NTN4: variants seen among roughly 807,000 people sequenced by gnomAD.
NTN4 encodes netrin 4, also known as netrin-4.
In NTN4, 32 loss-of-function variants were observed where a neutral mutation model predicts 73.6. That is an observed-to-expected ratio of 0.44 (90% CI 0.33 to 0.58). NTN4 has a LOEUF of 0.58. Ranked by LOEUF, NTN4 falls within the 20% of genes least tolerant of loss-of-function variation. The pLI, the probability that NTN4 is intolerant of heterozygous loss-of-function variation, is 0.04. For synonymous variants in NTN4, 258 were observed against 287.5 expected (o/e 0.90, Z 1.04); for missense variants, 654 against 798.3 (o/e 0.82, Z 2.18).
intron 5 of NTN4, among the ~76,000 whole-genome samples, chr12:95,708,549 G>A (rs923355342): frequency 1.1e-4 from 17 of 151,804 alleles, no homozygotes; most frequent in Admixed American, 7.9e-4. Flanking sequence ...GAGCCACTGC[G>A]CCCAGCCTCT....
intron 3 of NTN4, among the ~76,000 whole-genome samples, chr12:95,729,632 AGTGTGTGTGTGTGTGTGTGT>A (rs758891542): frequency 8.1e-6 from 1 of 124,088 alleles, no homozygotes; most frequent in African/African-American, 2.9e-5. Context: ...AGAGAGAGAG[AGTGTGTGTGTGTGTGTGTGT>A]GTGTGTGTGT....
chr12:95,772,585 C>T (rs1592715756), intron 2 of NTN4, among the ~76,000 whole-genome samples: 1 of 152,290 alleles, frequency 6.6e-6, no homozygotes, highest in African/African-American at 2.4e-5. Context: ...TCATACTTAA[C>T]GTGTCTGAAA....
chr12:95,728,533 G>A (rs11108220), intron 3 of NTN4, among the ~76,000 whole-genome samples: 54,029 of 152,034 alleles, frequency 0.36, 11,316 homozygotes, highest in Non-Finnish European at 0.47. Flanking sequence ...TAAGTTATAA[G>A]TTTGAACTAA....
At chr12:95,763,950 G>T (rs145497755) in intron 2 of NTN4, among the ~76,000 whole-genome samples, 7 of 152,310 alleles carry the variant, frequency 4.6e-5, no homozygotes, top group Non-Finnish European at 8.8e-5. Context: ...CAAGACTGAA[G>T]TTCCAATGTC....
chr12:95,677,879 C>T (rs1592658679), intron 7 of NTN4, among the ~76,000 whole-genome samples: 1 of 152,154 alleles, frequency 6.6e-6, no homozygotes, highest in African/African-American at 2.4e-5. Context: ...ATAAAGACAC[C>T]TGCACACGTA....
chr12:95,750,851 C>G (rs1224352133), intron 2 of NTN4, among the ~76,000 whole-genome samples: 4 of 152,228 alleles, frequency 2.6e-5, no homozygotes, highest in Non-Finnish European at 5.9e-5. Flanking sequence ...ACCTCCCCTC[C>G]TCACACCTGG....
chr12:95,680,598 T>A (rs1157956489), intron 7 of NTN4, among the ~76,000 whole-genome samples: 1 of 152,226 alleles, frequency 6.6e-6, no homozygotes, highest in East Asian at 1.9e-4. Context: ...ATATCCTAAA[T>A]GGCAAACAAA....
chr12:95,726,122 G>A (rs1051862339), intron 3 of NTN4, among the ~76,000 whole-genome samples: 11 of 151,412 alleles, frequency 7.3e-5, no homozygotes, highest in African/African-American at 1.2e-4. Flanking sequence ...TAACATTCAC[G>A]TAACATAAAA....
At chr12:95,667,342 GC>G (rs1208640613) in intron 8 of NTN4, among the ~76,000 whole-genome samples, 2 of 151,488 alleles carry the variant, frequency 1.3e-5, no homozygotes, top group Non-Finnish European at 2.9e-5. Context: ...AGGCCACCAC[GC>G]CCGGCTAATT....
intron 2 of NTN4, among the ~76,000 whole-genome samples, chr12:95,772,226 G>A (rs900564729): frequency 2.4e-4 from 36 of 152,030 alleles, no homozygotes; most frequent in African/African-American, 8.7e-4. Context: ...TTTTTGTAGA[G>A]ACAGGGTTTC....
chr12:95,669,260 G>A (rs1467543815), intron 8 of NTN4, among the ~76,000 whole-genome samples: 1 of 151,380 alleles, frequency 6.6e-6, no homozygotes, highest in Non-Finnish European at 1.5e-5. Flanking sequence ...GGCAAGATAT[G>A]ATATCTTAAT....
Position 95,658,449 on chromosome 12 carries a change from A to G in NTN4, c.*637T>C, listed in dbSNP as rs2078108888. On this transcript the variant is annotated 3_prime_UTR_variant, in exon 10 of 10. Coordinates refer to ENST00000343702, the MANE Select transcript of NTN4 (RefSeq NM_021229.4). ...AGTTAAATAGCACAACTTCTTTTAT[A>G]TGGTCACTTTTGTCCACATGTAGTG... is the stretch of plus-strand genomic sequence containing the variant. 6.6e-6 allele frequency: 1 copy of G among 152,644 alleles called. No homozygotes were observed. Among genetic ancestry groups the G allele is most frequent in the African/African-American group, 2.4e-5 (1 of 41,462 alleles). The allele number at this position is 152,644 out of a possible 1,614,324, so 9.5% of individuals were successfully genotyped here. A position where few individuals can be genotyped will look rare whatever the true frequency, so the allele number is the denominator to read the frequency against.
At chr12:95,725,912 C>T (rs917941291) in intron 3 of NTN4, among the ~76,000 whole-genome samples, 1 of 152,194 alleles carries the variant, frequency 6.6e-6, no homozygotes, top group African/African-American at 2.4e-5. Context: ...CCAGAAACAA[C>T]AGCCACAGCT....
chr12:95,702,845 T>TG (rs1042479530), intron 5 of NTN4, among the ~76,000 whole-genome samples: 2 of 143,156 alleles, frequency 1.4e-5, no homozygotes, highest in Non-Finnish European at 3.1e-5. Context: ...TTCAATGGTT[T>TG]TTTTTTTTTT....
rs2079198659 is a variant in NTN4, at chr12:95,790,273, A to G, written c.37T>C (p.Cys13Arg). The change falls in exon 1 of 10, where the codon TGC becomes CGC. Residue 13 changes from cysteine to arginine, a missense_variant. Physicochemically the swap from Cys to Arg is radical, Grantham distance 180. Transcript: ENST00000343702. The surrounding 1 kb of genome is among the most constrained non-coding windows in gnomAD (Gnocchi z 6.5). Reference sequence around the variant, plus strand: ...CACCCACCTGCGGCCACCACCGTGCAGCCCCAGAGCAGCAGCAGCCGCGCG... The same window carrying G: ...CACCCACCTGCGGCCACCACCGTGCGGCCCCAGAGCAGCAGCAGCCGCGCG... ...SCARLLLLWG[C>R]TVVAAGLSGV... 2 of 1,536,046 alleles carry G rather than the reference A, an allele frequency of 1.3e-6. No homozygotes were observed.
chr12:95,779,347 T>C (rs545405982), intron 2 of NTN4, among the ~76,000 whole-genome samples: 2 of 152,320 alleles, frequency 1.3e-5, no homozygotes, highest in African/African-American at 2.4e-5. Context: ...CGTATTCAAT[T>C]AGGAAAAGAA....
At chr12:95,706,797 C>T (rs898545321) in intron 5 of NTN4, among the ~76,000 whole-genome samples, 2 of 151,960 alleles carry the variant, frequency 1.3e-5, no homozygotes. Context: ...GCTTTGTTAA[C>T]CAATGTAAAA....
At chr12:95,733,564 G>A (rs553713838) in intron 3 of NTN4, among the ~76,000 whole-genome samples, 1 of 152,278 alleles carries the variant, frequency 6.6e-6, no homozygotes, top group African/African-American at 2.4e-5. Flanking sequence ...CATTTTATTA[G>A]AGAACTGAGG....
intron 5 of NTN4, among the ~76,000 whole-genome samples, chr12:95,685,672 G>A (rs2078355647): frequency 6.6e-6 from 1 of 152,096 alleles, no homozygotes; most frequent in African/African-American, 2.4e-5. Context: ...TAAAATATCA[G>A]TTTGGCTTCA....
Sources: gnomAD v4.1 joint callset for allele counts (sites outside exome capture counted in the v4.1 genomes callset) on GRCh38, gnomAD v4.1.1 for gene constraint, Gnocchi (gnomAD v3.1) non-coding constraint, MANE v1.5 for transcripts, NCBI Gene and HGNC (gene_info 2026-07-23, HGNC 2026-07-21) for gene names.